The following GPD2 variants were observed in gnomAD, a reference collection of about 807,000 sequenced individuals.
The protein encoded by GPD2 is glycerol-3-phosphate dehydrogenase 2, also known as glycerol-3-phosphate dehydrogenase, mitochondrial.
In GPD2, 54 loss-of-function variants were observed where a neutral mutation model predicts 82.4. The ratio of observed to expected loss-of-function variants is 0.66; its 90% CI spans 0.53 to 0.82. GPD2 has a LOEUF of 0.82. Ranked by LOEUF, GPD2 falls within the 40% of genes least tolerant of loss-of-function variation. The pLI, the probability that GPD2 is intolerant of heterozygous loss-of-function variation, is 0.00. For synonymous variants in GPD2, 288 were observed against 306.1 expected, an observed-to-expected ratio of 0.94 and a Z score of 0.62; for missense variants, 748 against 896.2, an observed-to-expected ratio of 0.83 and a Z score of 2.11.
intron 3 of GPD2, among the ~76,000 whole-genome samples, chr2:156,499,948 A>C (rs297587): frequency 0.67 from 100,959 of 151,806 alleles, 33,981 homozygotes; most frequent in Middle Eastern, 0.81. Flanking sequence ...TGAACAAATA[A>C]ACTTTTTCTT....
In GPD2 at chr2:156,567,732, T is replaced by G. The variant is rs1687442657; in HGVS notation, c.1166-1093T>G. On this transcript the variant is annotated intron_variant, in intron 9 of 16. Coordinates refer to ENST00000438166, the MANE Select transcript of GPD2 (RefSeq NM_000408.5). Reference sequence around the variant, plus strand: ...CTGGTCTACATGAAGAAGGGCAGATTCCGAAAATTCTGCCCTAGGGTCTTG... The same window carrying G: ...CTGGTCTACATGAAGAAGGGCAGATGCCGAAAATTCTGCCCTAGGGTCTTG... Among the ~76,000 whole-genome samples the G allele has an allele frequency of 2.0e-5, 3 of 152,102 alleles. No individual in the cohort carries two copies. The South Asian group carries it at 6.2e-4, about 32-fold the overall frequency.
Position 156,585,230 on chromosome 2 carries a change from C to G in GPD2, c.*2312C>G, listed in dbSNP as rs1688172204. The G allele has an allele frequency of 1.3e-5, 2 of 152,170 alleles. No homozygotes were observed. The highest frequency in any genetic ancestry group is 4.1e-4 in the South Asian group (2 of 4,820). The allele number at this position is 152,170 out of a possible 1,614,324, so 9.4% of individuals were successfully genotyped here. On this transcript the variant is annotated 3_prime_UTR_variant, in exon 17 of 17. Coordinates refer to ENST00000438166, the MANE Select transcript of GPD2 (RefSeq NM_000408.5). ...CTTTACCTGATTTAAGAAAGGGAGACAAGCAATAGGGGGGAATAAGCTTCT... is the reference window on the plus strand; with the variant it reads ...CTTTACCTGATTTAAGAAAGGGAGAGAAGCAATAGGGGGGAATAAGCTTCT...
intron 16 of GPD2, among the ~76,000 whole-genome samples, chr2:156,581,865 C>T (rs1688036185): frequency 6.6e-6 from 1 of 151,766 alleles, no homozygotes; most frequent in South Asian, 2.1e-4. Flanking sequence ...TTTTAAGCAA[C>T]GTGTCTCTAT....
chr2:156,584,237 T>A lies in GPD2; in HGVS notation c.*1319T>A, dbSNP rs1189307428. 2 of 152,072 alleles carry A rather than the reference T, an allele frequency of 1.3e-5. No individual in the cohort carries two copies. The highest frequency in any genetic ancestry group is 6.6e-5 in the Admixed American group (1 of 15,228). The allele number at this position is 152,072 out of a possible 1,614,324, so 9.4% of individuals were successfully genotyped here. A position where few individuals can be genotyped will look rare whatever the true frequency, so the allele number is the denominator to read the frequency against. ...TTTAACTAGTTATCTGAATATTTAT[T>A]AATCGTACTTCCTCTTGTAAAGTTA... On this transcript the variant is annotated 3_prime_UTR_variant, in exon 17 of 17. Transcript: ENST00000438166.
intron 2 of GPD2, among the ~76,000 whole-genome samples, chr2:156,483,671 G>A (rs1210239303): frequency 6.6e-6 from 1 of 152,162 alleles, no homozygotes; most frequent in African/African-American, 2.4e-5. Flanking sequence ...CATAAGCATA[G>A]TATCTAAGAT....
At chr2:156,544,253 C>T (rs570685470) in intron 6 of GPD2, among the ~76,000 whole-genome samples, 1 of 152,144 alleles carries the variant, frequency 6.6e-6, no homozygotes, top group East Asian at 1.9e-4. Flanking sequence ...TCATCTTCCT[C>T]CTGGTACCAT....
Position 156,513,380 on chromosome 2 carries a change from T to C in GPD2, c.545T>C (p.Leu182Ser), listed in dbSNP as rs751210800. 1.9e-6 allele frequency: 3 copies of C among 1,612,314 alleles called. No homozygotes were observed. In the Admixed American group the frequency reaches 5.0e-5, roughly 27 times the overall value. Residue 182 changes from leucine to serine, a missense_variant, in exon 6 of 17, where the codon TTG becomes TCG. Leu to Ser is a moderately radical substitution (Grantham distance 145, BLOSUM62 -2). Coordinates refer to ENST00000438166, the MANE Select transcript of GPD2 (RefSeq NM_000408.5). ...YYWVGIKLYD[L>S]VAGSNCLKSS... ...TGGGTAGGAATCAAGCTGTATGATT[T>C]GGTTGCAGGAAGCAATTGCCTAAAA...
rs1468261835 is a variant in GPD2, at chr2:156,583,616, C to T, written c.*698C>T. On this transcript the variant is annotated 3_prime_UTR_variant, in exon 17 of 17. Coordinates refer to ENST00000438166, the MANE Select transcript of GPD2 (RefSeq NM_000408.5). ...AGGTATAAGATAAGGATAGCATTGA[C>T]ATTTGCTGGGAGTTACAGTGATAGT... 1 of 153,096 alleles carries T rather than the reference C, an allele frequency of 6.5e-6. No individual in the cohort carries two copies. Among genetic ancestry groups the T allele is most frequent in the Non-Finnish European group, 1.5e-5 (1 of 68,442 alleles). The allele number at this position is 153,096 out of a possible 1,614,324, so 9.5% of individuals were successfully genotyped here.
intron 1 of GPD2, among the ~76,000 whole-genome samples, chr2:156,454,557 A>G (rs1221681659): frequency 2.0e-5 from 3 of 152,068 alleles, no homozygotes; most frequent in Non-Finnish European, 4.4e-5. Flanking sequence ...TAGTGTTATT[A>G]GTGTTCAGCA....
chr2:156,426,051 G>A, the GPD2 span, among the ~76,000 whole-genome samples: 1 of 151,902 alleles, frequency 6.6e-6, no homozygotes, highest in African/African-American at 2.4e-5. Flanking sequence ...GCCTCCCCGA[G>A]TAGCTGGGAC....
Position 156,583,266 on chromosome 2 carries a change from T to A in GPD2, c.*348T>A. 3.2e-6 allele frequency: 1 copy of A among 314,338 alleles called. No individual in the cohort carries two copies. Among genetic ancestry groups the A allele is most frequent in the Non-Finnish European group, 6.2e-6 (1 of 160,880 alleles). The allele number at this position is 314,338 out of a possible 1,614,324, so 19.5% of individuals were successfully genotyped here. A position where few individuals can be genotyped will look rare whatever the true frequency, so the allele number is the denominator to read the frequency against. On this transcript the variant is annotated 3_prime_UTR_variant, in exon 17 of 17. Coordinates refer to ENST00000438166, the MANE Select transcript of GPD2 (RefSeq NM_000408.5). ...TAAAAACATAATATTTTGGCAAAAA[T>A]TGAAAAAAGCTGGAGACATTTTGTG...
chr2:156,471,246 C>T (rs1683316267), intron 1 of GPD2, among the ~76,000 whole-genome samples: 1 of 152,188 alleles, frequency 6.6e-6, no homozygotes, highest in South Asian at 2.1e-4. Flanking sequence ...TCTAGATTTG[C>T]ACTCTTTAAT....
Position 156,569,482 on chromosome 2 carries a change from G to C in GPD2, c.1420G>C (p.Asp474His), listed in dbSNP as rs1687526752. The C allele has an allele frequency of 6.2e-7, 1 of 1,613,288 alleles. No homozygotes were observed. The highest frequency in any genetic ancestry group is 1.1e-5 in the South Asian group (1 of 91,068). The change falls in exon 11 of 17, where the codon GAT (aspartate) becomes CAT (histidine). Residue 474 changes from aspartate (D) to histidine (H), a missense_variant. Around this residue, in one of 3 missense-constraint regions of GPD2, gnomAD observed 692 missense variants for 809.7 expected, o/e 0.85. Transcript: ENST00000438166. ...TVGLFLQGGK[D>H]WSPTLYIRLV... The stretch of plus-strand genomic sequence containing the variant: ...TGGGCTTTTCCTTCAAGGGGGTAAA[G>C]ATTGGAGCCCCACACTCTACATTAG...
At position 156,496,098 on chromosome 2, in the gene GPD2, G is replaced by T; in HGVS notation, c.157G>T (p.Glu53Ter). The change falls in exon 3 of 17, where the codon GAG becomes TAG. Residue 53 changes from glutamate to a stop codon, truncating the protein, a stop_gained. Coordinates refer to ENST00000438166, the MANE Select transcript of GPD2 (RefSeq NM_000408.5). LOFTEE classifies it high-confidence loss of function. ...ADCISEPVNR[E>*]PPSREAQLLT... ...CTGCATTTCAGAACCAGTTAACAGG[G>T]AGCCTCCTTCCAGAGAAGCTCAGCT... The T allele has an allele frequency of 1.9e-6, 3 of 1,612,704 alleles. No individual in the cohort carries two copies. The highest frequency in any genetic ancestry group is 2.5e-6 in the Non-Finnish European group (3 of 1,178,790).
At chr2:156,425,516 T>C in the GPD2 span, among the ~76,000 whole-genome samples, 1 of 152,246 alleles carries the variant, frequency 6.6e-6, no homozygotes, top group African/African-American at 2.4e-5. Context: ...TGAAGAGGAA[T>C]CAGTTGTCTT....
chr2:156,579,651 T>A, intron 15 of GPD2, 39 bp from the exon 16 acceptor site: 3 of 1,024,222 alleles, frequency 2.9e-6, no homozygotes, highest in Non-Finnish European at 4.7e-6. Context: ...GCATAATTTT[T>A]AATCAAACTG....
intron 6 of GPD2, among the ~76,000 whole-genome samples, chr2:156,522,056 A>C (rs1685428389): frequency 6.6e-6 from 1 of 152,048 alleles, no homozygotes; most frequent in Admixed American, 6.5e-5. Flanking sequence ...TGTACCCCTA[A>C]GAAACAAAAC....
intron 1 of GPD2, among the ~76,000 whole-genome samples, chr2:156,442,041 G>A (rs565468485): frequency 6.6e-6 from 1 of 152,210 alleles, no homozygotes; most frequent in Admixed American, 6.5e-5. Context: ...AACAATGATT[G>A]TTTGATTTAG....
intron 9 of GPD2, among the ~76,000 whole-genome samples, chr2:156,565,884 G>C (rs751430262): frequency 6.6e-6 from 1 of 151,952 alleles, no homozygotes; most frequent in Non-Finnish European, 1.5e-5. Context: ...TCATTTCAAG[G>C]AGTCTTTGTG....
Sources: gnomAD v4.1 joint callset for allele counts (sites outside exome capture counted in the v4.1 genomes callset) on GRCh38, gnomAD v4.1.1 for gene constraint, gnomAD v4.1.1 regional missense constraint, MANE v1.5 for transcripts, NCBI Gene and HGNC (gene_info 2026-07-23, HGNC 2026-07-21) for gene names.